Variants in DIP2B observed in about 807,000 individuals in gnomAD.
The protein encoded by DIP2B is DIP2 acetate--CoA ligase B (putative), also known as disco-interacting protein 2 homolog B.
A neutral mutation model predicts 198.0 loss-of-function variants in DIP2B; 76 were observed. The observed-to-expected ratio is 0.38, with a 90% CI of 0.32 to 0.46. The LOEUF (loss-of-function observed/expected upper bound fraction) is 0.46, where lower values mean the gene tolerates loss of function less well. DIP2B is among the 20% of genes least tolerant of loss of function. DIP2B has a pLI of 0.99. For synonymous variants in DIP2B, 701 were observed against 739.1 expected (o/e 0.95, Z 0.84); for missense variants, 1,559 against 1,978.4 (o/e 0.79, Z 4.02).
chr12:50,603,587 TG>T (rs1454262766), intron 1 of DIP2B, among the ~76,000 whole-genome samples: 1 of 152,012 alleles, frequency 6.6e-6, no homozygotes, highest in African/African-American at 2.4e-5. Context: ...AAAAACTAGC[TG>T]GGCATGGTTG....
At chr12:50,525,513 C>CTTT (rs747688876) in intron 1 of DIP2B, among the ~76,000 whole-genome samples, 21 of 139,358 alleles carry the variant, frequency 1.5e-4, no homozygotes, top group African/African-American at 5.3e-4. Context: ...TCTAGGTCCC[C>CTTT]TTTTTTTTTT....
chr12:50,589,344 G>A (rs892349029), intron 1 of DIP2B, among the ~76,000 whole-genome samples: 1 of 145,026 alleles, frequency 6.9e-6, no homozygotes, highest in South Asian at 2.6e-4. Flanking sequence ...ATAGGTGCAC[G>A]CCACCACGCC....
At chr12:50,619,316 A>G (rs76363100) in intron 1 of DIP2B, among the ~76,000 whole-genome samples, 4 of 152,308 alleles carry the variant, frequency 2.6e-5, no homozygotes, top group East Asian at 1.9e-4. Context: ...TTCTTGGGAG[A>G]TAGGAATCCT....
intron 31 of DIP2B, 25 bp from the exon 32 acceptor site, chr12:50,732,341 G>T (rs1193836055): frequency 6.2e-7 from 1 of 1,612,752 alleles, no homozygotes; most frequent in East Asian, 2.2e-5. Flanking sequence ...TACTGACTTG[G>T]CTCCCATATA....
intron 2 of DIP2B, among the ~76,000 whole-genome samples, chr12:50,633,003 G>A (rs938092023): frequency 3.3e-5 from 5 of 151,218 alleles, no homozygotes; most frequent in East Asian, 3.9e-4. Flanking sequence ...GGTCTCAAAC[G>A]CCTGGGCTCA....
chr12:50,623,511 ACACACACACACACACACG>A (rs1491544096), intron 1 of DIP2B, among the ~76,000 whole-genome samples: 1 of 132,936 alleles, frequency 7.5e-6, no homozygotes, highest in Non-Finnish European at 1.7e-5. Context: ...AGCCTTCCAG[ACACACACACACACACACG>A]CACACACACA....
intron 4 of DIP2B, among the ~76,000 whole-genome samples, chr12:50,662,980 G>T (rs936780834): frequency 6.6e-6 from 1 of 152,012 alleles, no homozygotes; most frequent in Non-Finnish European, 1.5e-5. Context: ...GTGGTGGTGC[G>T]TTCCTATAGT....
intron 2 of DIP2B, among the ~76,000 whole-genome samples, chr12:50,638,929 T>C (rs1044645711): frequency 1.3e-5 from 2 of 151,814 alleles, no homozygotes; most frequent in African/African-American, 4.8e-5. Flanking sequence ...AAATTGGCAA[T>C]TAGAAATGTT....
chr12:50,708,973 G>A (rs1939563862), intron 22 of DIP2B, among the ~76,000 whole-genome samples: 1 of 152,250 alleles, frequency 6.6e-6, no homozygotes, highest in Non-Finnish European at 1.5e-5. Context: ...CTCTGAAGGA[G>A]CTTTCCTATG....
intron 1 of DIP2B, among the ~76,000 whole-genome samples, chr12:50,603,389 A>G (rs1958955333): frequency 6.6e-6 from 1 of 152,058 alleles, no homozygotes. Flanking sequence ...CGCTTGGTTT[A>G]GTCTTAATCT....
chr12:50,579,570 G>A (rs1447519323), intron 1 of DIP2B, among the ~76,000 whole-genome samples: 11 of 130,186 alleles, frequency 8.4e-5, no homozygotes, highest in African/African-American at 3.2e-4. Context: ...CGAGATCATG[G>A]CACTGTACTC....
At chr12:50,665,224 T>C (rs1938728956) in intron 4 of DIP2B, among the ~76,000 whole-genome samples, 1 of 152,168 alleles carries the variant, frequency 6.6e-6, no homozygotes, top group South Asian at 2.1e-4. Flanking sequence ...CTTCATGGAA[T>C]TATAGTACAT....
At position 50,695,326 on chromosome 12, in the gene DIP2B, T is replaced by C; in HGVS notation, c.1779T>C (p.Pro593=). The change falls in exon 15 of 38, where the codon CCT becomes CCC. Residue 593 remains proline, a synonymous_variant. Coordinates refer to ENST00000301180, the MANE Select transcript of DIP2B (RefSeq NM_173602.3). ...CCTACTCTGTTATGAAAACCTGTCC[T>C]CTCTCTTGGGTCCAAAGAGTACATG... ...SVPYSVMKTC[P]LSWVQRVHAH... 1 of 1,614,078 alleles carries C rather than the reference T, an allele frequency of 6.2e-7. No individual in the cohort carries two copies. Among genetic ancestry groups the C allele is most frequent in the Non-Finnish European group, 8.5e-7 (1 of 1,179,976 alleles).
At chr12:50,702,962 A>G (rs1042565222) in intron 19 of DIP2B, among the ~76,000 whole-genome samples, 2 of 152,046 alleles carry the variant, frequency 1.3e-5, no homozygotes, top group African/African-American at 4.8e-5. Flanking sequence ...ATGGTGGCTC[A>G]CTCCTGTAAT....
At chr12:50,559,771 A>G (rs1958502817) in intron 1 of DIP2B, among the ~76,000 whole-genome samples, 2 of 149,584 alleles carry the variant, frequency 1.3e-5, no homozygotes, top group African/African-American at 5.0e-5. Context: ...GGTCTTTAAC[A>G]CTTACAAGGT....
rs372388686 is a variant in DIP2B at position 50,704,220 on chromosome 12, G to A, written c.2406G>A (p.Pro802=). 8.1e-6 allele frequency: 13 copies of A among 1,608,336 alleles called. No individual in the cohort carries two copies. Among genetic ancestry groups the A allele is most frequent in the African/African-American group, 5.4e-5 (4 of 74,692 alleles). Residue 802 remains proline (P), a splice_region_variant and synonymous_variant, in exon 20 of 38, where the codon CCG becomes CCA. Transcript: ENST00000301180. The part of the protein sequence containing the change: ...IRSGLLGFVG[P]GSLVFVVGKM... ...CAGGATTGCTGGGGTTTGTAGGGCC[G>A]GTAAGTGATGCTTTCATGTTGATTT... is the stretch of plus-strand genomic sequence containing the variant.
intron 13 of DIP2B, among the ~76,000 whole-genome samples, 200 bp downstream of exon 13, chr12:50,691,351 A>G (rs148560819): frequency 2.4e-4 from 37 of 152,330 alleles, no homozygotes; most frequent in Admixed American, 1.4e-3. Context: ...GCAAACCAAA[A>G]TGTAAAGCAT....
chr12:50,529,480 T>C (rs1958196774), intron 1 of DIP2B, among the ~76,000 whole-genome samples: 1 of 152,100 alleles, frequency 6.6e-6, no homozygotes, highest in Admixed American at 6.6e-5. Flanking sequence ...CTGCTTTAGA[T>C]TTGTCAATCA....
chr12:50,542,323 A>G (rs1441422518), intron 1 of DIP2B, among the ~76,000 whole-genome samples: 1 of 152,020 alleles, frequency 6.6e-6, no homozygotes, highest in Non-Finnish European at 1.5e-5. Flanking sequence ...AAAAGGCTGC[A>G]TTTGTCTTGG....
Sources: gnomAD v4.1 joint callset for allele counts (sites outside exome capture counted in the v4.1 genomes callset) on GRCh38, gnomAD v4.1.1 for gene constraint, MANE v1.5 for transcripts, NCBI Gene and HGNC (gene_info 2026-07-23, HGNC 2026-07-21) for gene names.